KLHL1: variants seen among roughly 807,000 people sequenced by gnomAD.
KLHL1 encodes kelch like family member 1, also known as kelch-like protein 1.
Under a neutral mutation model 77.7 loss-of-function variants are expected in KLHL1, and 47 were observed. That is an observed-to-expected ratio of 0.60 (90% CI 0.48 to 0.77). The LOEUF is 0.77. Ranked by LOEUF, KLHL1 falls within the 30% of genes least tolerant of loss-of-function variation. KLHL1 has a pLI of 0.00. For synonymous variants in KLHL1, 360 were observed against 325.2 expected (o/e 1.11, Z -1.15); for missense variants, 925 against 910.8 (o/e 1.02, Z -0.20).
Position 70,107,749 on chromosome 13 carries a change from G to A in KLHL1, c.-50C>T, listed in dbSNP as rs754317021. On this transcript the variant is annotated 5_prime_UTR_variant, in exon 1 of 11. Coordinates refer to ENST00000377844, the MANE Select transcript of KLHL1 (RefSeq NM_020866.3). ...CTGGCAGCTCACGCAGGAGTAGGCTGGTCAGCAGGTGGGGGAGGACAGCGG... is the reference window on the plus strand; with the variant it reads ...CTGGCAGCTCACGCAGGAGTAGGCTAGTCAGCAGGTGGGGGAGGACAGCGG... The A allele has an allele frequency of 2.9e-6, 4 of 1,397,484 alleles. No homozygotes were observed. In the East Asian group the frequency reaches 7.1e-5, roughly 25 times the overall value. 86.6% of individuals were successfully genotyped at this position (1,397,484 alleles called of 1,614,324 possible).
At chr13:69,738,070 A>G (rs1873837299) in intron 8 of KLHL1, among the ~76,000 whole-genome samples, 1 of 152,094 alleles carries the variant, frequency 6.6e-6, no homozygotes, top group African/African-American at 2.4e-5. Context: ...GCCGCCTCCA[A>G]TGATGGTATC....
rs114866128 is a variant in KLHL1, at chr13:69,757,288, A to T, written c.1640-16732T>A. Among the ~76,000 whole-genome samples the T allele has an allele frequency of 6.4e-3, 967 of 152,270 alleles. 10 individuals carry two copies. Among genetic ancestry groups the T allele is most frequent in the African/African-American group, 0.021 (878 of 41,566 alleles). The stretch of plus-strand genomic sequence containing the variant: ...ACATATGGTCATTGTTAAAGATGCA[A>T]TTAACAAGACAATTTCATTATTTCT... On this transcript the variant is annotated intron_variant, in intron 7 of 10. Transcript: ENST00000377844.
At chr13:69,745,699 A>G (rs927594730) in intron 7 of KLHL1, among the ~76,000 whole-genome samples, 2 of 151,970 alleles carry the variant, frequency 1.3e-5, no homozygotes, top group Non-Finnish European at 2.9e-5. Context: ...TAACTAAAAT[A>G]GATAAGCATA....
rs199917322 is a variant in KLHL1, at chr13:69,805,952, G to GA, written c.1415-8991dup. ...CAATTTCTAATAGGCTGCTCAAGGG[G>GA]AAAAAACCCTATCAGATATTAAAAA... is the stretch of plus-strand genomic sequence containing the variant. On this transcript the variant is annotated intron_variant, in intron 6 of 10. Coordinates refer to ENST00000377844, the MANE Select transcript of KLHL1 (RefSeq NM_020866.3). 9.5e-3 allele frequency among the ~76,000 whole-genome samples: 1,442 copies of GA among 151,894 alleles called. 21 individuals carry two copies. Among genetic ancestry groups the GA allele is most frequent in the African/African-American group, 0.032 (1,327 of 41,476 alleles).
At chr13:69,798,696 T>C (rs185046826) in intron 6 of KLHL1, among the ~76,000 whole-genome samples, 1 of 152,284 alleles carries the variant, frequency 6.6e-6, no homozygotes, top group Non-Finnish European at 1.5e-5. Flanking sequence ...ACTACATAGT[T>C]GAATAACTTC....
intron 7 of KLHL1, among the ~76,000 whole-genome samples, chr13:69,784,882 A>AT (rs775109435): frequency 0.057 from 4,495 of 79,352 alleles, 598 homozygotes; most frequent in African/African-American, 0.066. Flanking sequence ...CAGAATATAC[A>AT]TTTTTTTTTT....
At chr13:69,764,029 A>G (rs1473213944) in intron 7 of KLHL1, among the ~76,000 whole-genome samples, 2 of 152,156 alleles carry the variant, frequency 1.3e-5, no homozygotes, top group African/African-American at 2.4e-5. Context: ...ACTTTCTATC[A>G]TAACAGAATG....
intron 7 of KLHL1, among the ~76,000 whole-genome samples, chr13:69,771,319 A>C (rs1469145769): frequency 6.6e-6 from 1 of 151,354 alleles, no homozygotes; most frequent in Non-Finnish European, 1.5e-5. Context: ...GGCATCTTAT[A>C]ATAATGGCAA....
chr13:69,832,640 A>C (rs1426846735), intron 6 of KLHL1, among the ~76,000 whole-genome samples: 1 of 151,972 alleles, frequency 6.6e-6, no homozygotes, highest in Non-Finnish European at 1.5e-5. Flanking sequence ...TAGCCAAAGC[A>C]AGACTAAACA....
At chr13:70,069,944 A>C (rs1394994057) in intron 1 of KLHL1, among the ~76,000 whole-genome samples, 1 of 151,954 alleles carries the variant, frequency 6.6e-6, no homozygotes, top group Non-Finnish European at 1.5e-5. Flanking sequence ...CGAGGCAGGC[A>C]GATCACGAGG....
At chr13:69,719,603 T>C in intron 8 of KLHL1, 22 bp from the exon 9 acceptor site, 1 of 1,579,220 alleles carries the variant, frequency 6.3e-7, no homozygotes, top group Admixed American at 1.7e-5. Context: ...ATTGGAAAAA[T>C]GTGATTTAAT....
intron 1 of KLHL1, among the ~76,000 whole-genome samples, chr13:70,085,408 T>A (rs1887511627): frequency 6.6e-6 from 1 of 152,222 alleles, no homozygotes; most frequent in Non-Finnish European, 1.5e-5. Context: ...AGCATACTTT[T>A]GAGATTTAAT....
intron 5 of KLHL1, among the ~76,000 whole-genome samples, chr13:69,861,788 A>G (rs1335907895): frequency 6.9e-6 from 1 of 145,082 alleles, no homozygotes; most frequent in Non-Finnish European, 1.5e-5. Flanking sequence ...TCTCTACTAA[A>G]AAAAAAAAAA....
At chr13:70,080,226 T>G (rs922746397) in intron 1 of KLHL1, among the ~76,000 whole-genome samples, 1 of 152,122 alleles carries the variant, frequency 6.6e-6, no homozygotes, top group Non-Finnish European at 1.5e-5. Context: ...GGGAACGAAT[T>G]TGAGGAGCAT....
chr13:69,752,065 C>G (rs1312444989), intron 7 of KLHL1, among the ~76,000 whole-genome samples: 4 of 152,102 alleles, frequency 2.6e-5, no homozygotes, highest in African/African-American at 9.7e-5. Flanking sequence ...GCTATAATAT[C>G]TAACCCATAG....
intron 9 of KLHL1, among the ~76,000 whole-genome samples, chr13:69,708,585 A>T (rs1000008022): frequency 1.3e-5 from 2 of 152,068 alleles, no homozygotes; most frequent in Non-Finnish European, 2.9e-5. Context: ...GATCAAAGTC[A>T]GAAGACTGAA....
chr13:69,825,284 C>A lies in KLHL1; in HGVS notation c.1414+13692G>T, dbSNP rs183601656. Among the ~76,000 whole-genome samples, 372 of 152,102 alleles carry A rather than the reference C, an allele frequency of 2.4e-3. 3 individuals are homozygous for A. Among genetic ancestry groups the A allele is most frequent in the Non-Finnish European group, 3.7e-3 (249 of 67,982 alleles). On this transcript the variant is annotated intron_variant, in intron 6 of 10. Transcript: ENST00000377844. ...TAAGCAGGGGATAAAAGAAGAAAGACATCAAGCATAAAGCAATGTATGTGT... is the reference window on the plus strand; with the variant it reads ...TAAGCAGGGGATAAAAGAAGAAAGAAATCAAGCATAAAGCAATGTATGTGT...
intron 1 of KLHL1, among the ~76,000 whole-genome samples, chr13:70,106,161 T>G (rs1174649073): frequency 6.6e-6 from 1 of 151,754 alleles, no homozygotes; most frequent in Non-Finnish European, 1.5e-5. Flanking sequence ...TATAAGAAAC[T>G]GATTCAATCA....
intron 3 of KLHL1, among the ~76,000 whole-genome samples, chr13:69,946,139 G>A (rs1201376461): frequency 6.6e-6 from 1 of 152,088 alleles, no homozygotes; most frequent in Non-Finnish European, 1.5e-5. Flanking sequence ...AAAAAATCTG[G>A]TATGTAAGGA....
Sources: gnomAD v4.1 joint callset for allele counts (sites outside exome capture counted in the v4.1 genomes callset) on GRCh38, gnomAD v4.1.1 for gene constraint, MANE v1.5 for transcripts, NCBI Gene and HGNC (gene_info 2026-07-23, HGNC 2026-07-21) for gene names.